Variants in SEC31A observed in about 807,000 individuals in gnomAD.
SEC31A encodes the protein protein transport protein Sec31A.
In SEC31A, 70 loss-of-function variants were observed where a neutral mutation model predicts 151.0. That is an observed-to-expected ratio of 0.46 (90% CI 0.38 to 0.57). The LOEUF (loss-of-function observed/expected upper bound fraction) is 0.57, where lower values mean the gene tolerates loss of function less well. SEC31A is among the 20% of genes least tolerant of loss of function. SEC31A has a pLI of 0.00. For missense variants in SEC31A, 1,330 were observed against 1,471.2 expected, an observed-to-expected ratio of 0.90 and a Z score of 1.57; for synonymous variants, 475 against 505.9, an observed-to-expected ratio of 0.94 and a Z score of 0.82.
chr4:82,861,053 T>C (rs1734018658), intron 14 of SEC31A, among the ~76,000 whole-genome samples: 1 of 148,836 alleles, frequency 6.7e-6, no homozygotes, highest in African/African-American at 2.5e-5. Flanking sequence ...AAATTACAGA[T>C]TTGTTCATTA....
intron 1 of SEC31A, among the ~76,000 whole-genome samples, chr4:82,887,664 A>G (rs2125927312): frequency 6.6e-6 from 1 of 152,382 alleles, no homozygotes; most frequent in East Asian, 1.9e-4. Context: ...TATTACTCAG[A>G]GTGGTTAGAA....
chr4:82,882,791 T>C (rs991893613), intron 1 of SEC31A, among the ~76,000 whole-genome samples: 1 of 152,232 alleles, frequency 6.6e-6, no homozygotes, highest in Non-Finnish European at 1.5e-5. Flanking sequence ...TAATCCCATA[T>C]ACCACTTGTT....
At chr4:82,890,983 G>T in intron 1 of SEC31A, 105 bp downstream of exon 1, 1 of 1,496,310 alleles carries the variant, frequency 6.7e-7, no homozygotes, top group Non-Finnish European at 8.9e-7. Context: ...GCCTCAGGCT[G>T]GTGCGGGGCA....
chr4:82,870,322 T>C lies in SEC31A; in HGVS notation c.882+3A>G. The C allele has an allele frequency of 6.2e-7, 1 of 1,609,490 alleles. No individual in the cohort carries two copies. The highest frequency in any genetic ancestry group is 8.5e-7 in the Non-Finnish European group (1 of 1,175,836). On this transcript the variant is annotated splice_donor_region_variant and intron_variant, in intron 8 of 26. Coordinates refer to ENST00000395310, the MANE Select transcript of SEC31A (RefSeq NM_001077207.4). ...AAGGTTGAGACACATTTCCTGCCCA[T>C]ACCTCTCCTGTGTTTGGATTGGAGC...
chr4:82,889,715 TTCAATA>T (rs1343342109), intron 1 of SEC31A, among the ~76,000 whole-genome samples: 1 of 152,144 alleles, frequency 6.6e-6, no homozygotes, highest in African/African-American at 2.4e-5. Context: ...TGTTATTGGT[TTCAATA>T]AAGAATTTGC....
At chr4:82,873,499 C>G (rs2045482) in intron 6 of SEC31A, among the ~76,000 whole-genome samples, 3,251 of 152,078 alleles carry the variant, frequency 0.021, 126 homozygotes, top group African/African-American at 0.074. Context: ...AATAAATTAA[C>G]ATTATTAGGA....
intron 16 of SEC31A, 117 bp downstream of exon 16, chr4:82,856,835 G>T: frequency 2.4e-6 from 2 of 844,072 alleles, no homozygotes; most frequent in East Asian, 2.9e-5. Flanking sequence ...AAGGAATTAT[G>T]AATGAGCTTT....
intron 1 of SEC31A, among the ~76,000 whole-genome samples, chr4:82,884,447 C>T (rs761879692): frequency 5.9e-5 from 9 of 152,038 alleles, no homozygotes; most frequent in Non-Finnish European, 1.3e-4. Flanking sequence ...AAAGTTGAGC[C>T]ACAAAGTACA....
chr4:82,871,907 T>A, intron 7 of SEC31A, 37 bp downstream of exon 7: 1 of 1,613,354 alleles, frequency 6.2e-7, no homozygotes, highest in East Asian at 2.2e-5. Flanking sequence ...GTTCAGAAAA[T>A]AAACAAATCA....
chr4:82,818,994 T>C lies in SEC31A; in HGVS notation c.*80A>G, dbSNP rs1217080911. The C allele has an allele frequency of 8.6e-7, 1 of 1,158,620 alleles. No homozygotes were observed. Among genetic ancestry groups the C allele is most frequent in the Non-Finnish European group, 1.2e-6 (1 of 824,144 alleles). The allele number at this position is 1,158,620 out of a possible 1,614,324, so 71.8% of individuals were successfully genotyped here. A position where few individuals can be genotyped will look rare whatever the true frequency, so the allele number is the denominator to read the frequency against. On this transcript the variant is annotated 3_prime_UTR_variant, in exon 27 of 27. Transcript: ENST00000395310. ...GCTATGCAAACATGCTAATGAGGAC[T>C]AGTCCATGTCTTATAATTTTTTTTT...
At chr4:82,842,668 G>C in intron 21 of SEC31A, 187 bp from the exon 22 acceptor site, 7 of 533,050 alleles carry the variant, frequency 1.3e-5, no homozygotes. Flanking sequence ...GAATTCAATA[G>C]CTTCAGTATT....
chr4:82,873,188 T>C (rs1381043660), intron 6 of SEC31A, among the ~76,000 whole-genome samples: 4 of 151,832 alleles, frequency 2.6e-5, no homozygotes, highest in East Asian at 3.9e-4. Context: ...GTAAAACCCA[T>C]CTCTACTAAA....
At chr4:82,889,648 C>T (rs796742025) in intron 1 of SEC31A, among the ~76,000 whole-genome samples, 9 of 151,946 alleles carry the variant, frequency 5.9e-5, no homozygotes, top group African/African-American at 2.2e-4. Context: ...ACAGTGAAAT[C>T]CCCCCAAAAT....
intron 4 of SEC31A, among the ~76,000 whole-genome samples, chr4:82,876,973 C>T (rs1397066103): frequency 1.3e-5 from 2 of 152,236 alleles, no homozygotes; most frequent in Admixed American, 6.5e-5. Context: ...CACAGTGGCT[C>T]ATGCCTGTAG....
chr4:82,821,853 T>C (rs1431900819), intron 25 of SEC31A, among the ~76,000 whole-genome samples: 5 of 152,198 alleles, frequency 3.3e-5, no homozygotes, highest in Non-Finnish European at 7.3e-5. Context: ...ATAGGTGAAC[T>C]GTGGAATCTT....
At chr4:82,843,586 G>C (rs1212100396) in intron 21 of SEC31A, 1 of 151,942 alleles carries the variant, frequency 6.6e-6, no homozygotes, top group East Asian at 1.9e-4. Context: ...TGAGTGAAAG[G>C]TTGTATCAAA....
At chr4:82,830,901 A>G (rs201510846) in intron 22 of SEC31A, 16 of 1,048,738 alleles carry the variant, frequency 1.5e-5, no homozygotes, top group Non-Finnish European at 2.0e-5. Flanking sequence ...TCAATTATTC[A>G]AAGATTTCCA....
chr4:82,860,754 C>T (rs1733953622), intron 14 of SEC31A, among the ~76,000 whole-genome samples: 1 of 152,066 alleles, frequency 6.6e-6, no homozygotes, highest in South Asian at 2.1e-4. Flanking sequence ...GGATTACAGG[C>T]ATAAGCAAAC....
In SEC31A at chr4:82,878,836, A is replaced by G. The variant is rs755978172; in HGVS notation, c.296T>C (p.Ile99Thr). Residue 99 changes from isoleucine (I) to threonine (T), a missense_variant, in exon 4 of 27, where the codon ATT becomes ACT. By Grantham distance (89) the Ile-to-Thr change is moderately conservative. Coordinates refer to ENST00000395310, the MANE Select transcript of SEC31A (RefSeq NM_001077207.4). ...TATAATTTTAGAAGGATCATAGAGA[A>G]TAATATTTCCATTTTCACCACCTGC... ...LIAGGENGNI[I>T]LYDPSKIIAG... is the part of the protein sequence containing the mutation. 1.9e-6 allele frequency: 3 copies of G among 1,613,954 alleles called. No individual in the cohort carries two copies. Among genetic ancestry groups the G allele is most frequent in the East Asian group, 2.2e-5 (1 of 44,872 alleles).
Sources: allele counts gnomAD v4.1 joint callset (sites outside exome capture counted in the v4.1 genomes callset), GRCh38; gene constraint gnomAD v4.1.1; transcripts MANE v1.5; gene names NCBI Gene and HGNC (gene_info 2026-07-23, HGNC 2026-07-21).